Variants in SLC16A6 observed in about 807,000 individuals in gnomAD.
SLC16A6 encodes solute carrier family 16 member 6.
Under a neutral mutation model 33.8 loss-of-function variants are expected in SLC16A6, and 15 were observed. The ratio of observed to expected loss-of-function variants is 0.44; its 90% CI spans 0.30 to 0.68. The LOEUF (loss-of-function observed/expected upper bound fraction) is 0.68. Ranked by LOEUF, SLC16A6 falls within the 30% of genes least tolerant of loss-of-function variation. The probability of loss-of-function intolerance (pLI) is 0.10; values close to 1 mark genes in which losing one functional copy is unlikely to be tolerated. For synonymous variants in SLC16A6, 219 were observed against 248.4 expected, an observed-to-expected ratio of 0.88 and a Z score of 1.11; for missense variants, 451 against 661.5, an observed-to-expected ratio of 0.68 and a Z score of 3.49.
chr17:68,270,535 T>TA (rs2075304026), intron 5 of SLC16A6, among the ~76,000 whole-genome samples: 1 of 142,770 alleles, frequency 7.0e-6, no homozygotes, highest in Non-Finnish European at 1.5e-5. Context: ...GCCTGGGTGA[T>TA]AGAGCGAGAC....
intron 1 of SLC16A6, among the ~76,000 whole-genome samples, chr17:68,281,296 C>T (rs1265529800): frequency 2.0e-5 from 3 of 151,984 alleles, no homozygotes; most frequent in African/African-American, 4.8e-5. Context: ...AGGCTGGTGG[C>T]GGTGGCTCAC....
At position 68,267,923 on chromosome 17, in the gene SLC16A6, T is replaced by A. The variant is rs1366253793; in HGVS notation, c.*1173A>T. On this transcript the variant is annotated 3_prime_UTR_variant, in exon 6 of 6. Transcript: ENST00000580666. Reference sequence around the variant, plus strand: ...GTGAAATACAGAAATGCTTCAATAATTAGATGGTTTTTTCTTTAAATCAGA... The same window carrying A: ...GTGAAATACAGAAATGCTTCAATAAATAGATGGTTTTTTCTTTAAATCAGA... 1 of 152,226 alleles carries A rather than the reference T, an allele frequency of 6.6e-6. No homozygotes were observed. Among genetic ancestry groups the A allele is most frequent in the Non-Finnish European group, 1.5e-5 (1 of 68,034 alleles). The allele number at this position is 152,226 out of a possible 1,614,324, so 9.4% of individuals were successfully genotyped here.
intron 1 of SLC16A6, among the ~76,000 whole-genome samples, chr17:68,284,385 C>A (rs571844499): frequency 6.6e-6 from 1 of 152,068 alleles, no homozygotes; most frequent in African/African-American, 2.4e-5. Context: ...CAGAGCAAGA[C>A]TCTGTCTAAA....
intron 2 of SLC16A6, among the ~76,000 whole-genome samples, chr17:68,276,664 G>GGCTA (rs1425638540): frequency 2.0e-5 from 3 of 151,962 alleles, no homozygotes; most frequent in African/African-American, 7.3e-5. Context: ...ATGTTGCCCA[G>GGCTA]GCTAGTCTCA....
chr17:68,269,673 GTTT>G (rs782421181), intron 5 of SLC16A6, among the ~76,000 whole-genome samples: 6 of 77,890 alleles, frequency 7.7e-5, no homozygotes, highest in African/African-American at 2.2e-4. Context: ...TTCACTTTAG[GTTT>G]TTTTTTTTTT....
intron 1 of SLC16A6, among the ~76,000 whole-genome samples, chr17:68,286,097 G>A (rs1555754277): frequency 2.0e-5 from 3 of 152,118 alleles, no homozygotes; most frequent in African/African-American, 7.2e-5. Context: ...CTCACCATGT[G>A]GACCGGGCTG....
chr17:68,272,593 A>G, intron 4 of SLC16A6, 46 bp downstream of exon 4: 1 of 1,598,060 alleles, frequency 6.3e-7, no homozygotes, highest in Non-Finnish European at 8.6e-7. Flanking sequence ...TACCTGAGTG[A>G]CGTCTCTCAT....
chr17:68,288,006 T>TGG (rs1568420585), intron 1 of SLC16A6, among the ~76,000 whole-genome samples: 2 of 147,836 alleles, frequency 1.4e-5, no homozygotes, highest in Admixed American at 6.7e-5. Flanking sequence ...TTTTTTTTTT[T>TGG]GGGGGTTGGG....
chr17:68,272,864 G>A, intron 3 of SLC16A6, 97 bp from the exon 4 acceptor site: 1 of 1,479,622 alleles, frequency 6.8e-7, no homozygotes, highest in Non-Finnish European at 9.2e-7. Flanking sequence ...TTTGCTTTTT[G>A]AATCTTAAGT....
At chr17:68,278,041 A>G in intron 2 of SLC16A6, 48 bp downstream of exon 2, 1 of 1,305,046 alleles carries the variant, frequency 7.7e-7, no homozygotes, top group Non-Finnish European at 1.1e-6. Context: ...TAGCCAAATT[A>G]AAAGGGCCCT....
At chr17:68,288,161 T>G (rs1034799888) in intron 1 of SLC16A6, among the ~76,000 whole-genome samples, 1 of 149,692 alleles carries the variant, frequency 6.7e-6, no homozygotes, top group African/African-American at 2.5e-5. Flanking sequence ...CACGCCCGGC[T>G]GATTTTTTTT....
In SLC16A6 at chr17:68,271,339, G is replaced by T. The variant is rs140535569; in HGVS notation, c.821C>A (p.Pro274His). Reference sequence around the variant, plus strand: ...CGGGGCTTTCTTTTCGCTTGGCCTGGGGCTGGTCTTCACCAGGACCTGCTG... The same window carrying T: ...CGGGGCTTTCTTTTCGCTTGGCCTGTGGCTGGTCTTCACCAGGACCTGCTG... ...DMQQVLVKTS[P>H]RPSEKKAPLL... Residue 274 changes from proline to histidine, a missense_variant, in exon 5 of 6, where the codon CCC becomes CAC. By Grantham distance (77) the Pro-to-His change is moderately conservative. This residue lies in a region of SLC16A6 where 405 missense variants were observed against 510.7 expected (regional missense o/e 0.79). Transcript: ENST00000580666. The surrounding 1 kb of genome is among the most constrained non-coding windows in gnomAD (Gnocchi z 5.3). The T allele has an allele frequency of 1.4e-3, 2,326 of 1,614,230 alleles. 3 individuals carry two copies. Among genetic ancestry groups the T allele is most frequent in the Non-Finnish European group, 1.5e-3 (1,750 of 1,180,040 alleles).
intron 1 of SLC16A6, among the ~76,000 whole-genome samples, chr17:68,283,478 G>A (rs1208300449): frequency 6.1e-5 from 9 of 148,450 alleles, no homozygotes; most frequent in South Asian, 4.3e-4. Flanking sequence ...CCGAGATCGC[G>A]CCACTGCACT....
intron 1 of SLC16A6, 94 bp from the exon 2 acceptor site, chr17:68,278,421 A>G: frequency 1.4e-6 from 1 of 711,208 alleles, no homozygotes. Flanking sequence ...AGAACTACTT[A>G]CCCCATTTCT....
At chr17:68,270,207 G>C (rs576520444) in intron 5 of SLC16A6, among the ~76,000 whole-genome samples, 2 of 152,260 alleles carry the variant, frequency 1.3e-5, no homozygotes, top group South Asian at 4.2e-4. Flanking sequence ...GGTGGGCTCT[G>C]AAGGTGATAA....
At chr17:68,284,852 C>T (rs925836278) in intron 1 of SLC16A6, among the ~76,000 whole-genome samples, 2 of 152,172 alleles carry the variant, frequency 1.3e-5, no homozygotes, top group Non-Finnish European at 2.9e-5. Context: ...AAGGCCTTTG[C>T]ATTTTGATGT....
chr17:68,274,095 T>C, intron 2 of SLC16A6, 25 bp from the exon 3 acceptor site: 1 of 1,606,172 alleles, frequency 6.2e-7, no homozygotes, highest in Non-Finnish European at 8.5e-7. Flanking sequence ...CAAAACGATA[T>C]TTTAACTCAC....
intron 3 of SLC16A6, among the ~76,000 whole-genome samples, chr17:68,273,630 A>G (rs1599505406): frequency 6.6e-6 from 1 of 152,164 alleles, no homozygotes; most frequent in Non-Finnish European, 1.5e-5. Flanking sequence ...AATACTGGCT[A>G]CAGAAATTCG....
At position 68,271,671 on chromosome 17, in the gene SLC16A6, TGAA is replaced by T. The variant is rs782537986; in HGVS notation, c.506-20_506-18del. 5.0e-6 allele frequency: 8 copies of T among 1,599,428 alleles called. No individual in the cohort carries two copies. The Admixed American group carries it at 1.2e-4, about 24-fold the overall frequency. ...CCATGATTGCTTGAATAGGCAGGAG[TGAA>T]GAAGAAATAATATAAGGTCAATAAT... On this transcript the variant is annotated intron_variant, in intron 4 of 5. Transcript: ENST00000580666. This position sits in a 1 kb window ranked among gnomAD's most constrained non-coding sequence, Gnocchi z 5.3.
Sources: gnomAD v4.1 joint callset for allele counts (sites outside exome capture counted in the v4.1 genomes callset) on GRCh38, gnomAD v4.1.1 for gene constraint, gnomAD v4.1.1 regional missense constraint, Gnocchi (gnomAD v3.1) non-coding constraint, MANE v1.5 for transcripts, NCBI Gene and HGNC (gene_info 2026-07-23, HGNC 2026-07-21) for gene names.